The following HIVEP3 variants were observed in gnomAD, a reference collection of about 807,000 sequenced individuals.
The protein encoded by HIVEP3 is HIVEP zinc finger 3, also known as transcription factor HIVEP3.
HIVEP3 carries 49 observed loss-of-function variants against 152.8 expected under a neutral mutation model. That is an observed-to-expected ratio of 0.32 (90% CI 0.26 to 0.41). The LOEUF is 0.41. Among genes scored for constraint, HIVEP3 ranks in the 10% least tolerant of loss-of-function variants. The pLI is 1.00. For missense variants in HIVEP3, 2,790 were observed against 3,103.3 expected (o/e 0.90, Z 2.40); for synonymous variants, 1,269 against 1,289.0 (o/e 0.98, Z 0.33).
Position 41,507,471 on chromosome 1 carries a change from G to A in HIVEP3, c.*2980C>T, listed in dbSNP as rs1263911025. ...GGGGGGCAAGGACTCACCAACCAAA[G>A]GCAAGGTTTGGCTCTGAAACCTCGA... is the stretch of plus-strand genomic sequence containing the variant. On this transcript the variant is annotated 3_prime_UTR_variant, in exon 9 of 9. Transcript: ENST00000372583. The A allele has an allele frequency of 6.6e-6, 1 of 152,388 alleles. No homozygotes were observed. Among genetic ancestry groups the A allele is most frequent in the Non-Finnish European group, 1.5e-5 (1 of 68,196 alleles). The allele number at this position is 152,388 out of a possible 1,614,324, so 9.4% of individuals were successfully genotyped here. A position where few individuals can be genotyped will look rare whatever the true frequency, so the allele number is the denominator to read the frequency against.
chr1:42,024,382 T>C (rs535132944), intron 1 of HIVEP3, among the ~76,000 whole-genome samples: 1 of 152,348 alleles, frequency 6.6e-6, no homozygotes, highest in African/African-American at 2.4e-5. Flanking sequence ...TGTGGTCTTA[T>C]GTTTCCAATG....
At chr1:41,882,460 T>C (rs1328530221) in intron 1 of HIVEP3, among the ~76,000 whole-genome samples, 1 of 152,166 alleles carries the variant, frequency 6.6e-6, no homozygotes, top group Non-Finnish European at 1.5e-5. Context: ...GCTGTGGTCA[T>C]CTCTCCTCTA....
intron 3 of HIVEP3, among the ~76,000 whole-genome samples, chr1:41,587,081 GTCT>G (rs1644516763): frequency 6.6e-6 from 1 of 152,126 alleles, no homozygotes; most frequent in African/African-American, 2.4e-5. Flanking sequence ...CCATTATGGA[GTCT>G]TATAGCCAGA....
chr1:41,780,538 C>T (rs1228266354), intron 1 of HIVEP3, among the ~76,000 whole-genome samples: 1 of 152,196 alleles, frequency 6.6e-6, no homozygotes, highest in East Asian at 1.9e-4. Flanking sequence ...GGTCAGGGCC[C>T]ACCTCCTAAA....
At chr1:41,986,591 C>T (rs1217980789) in intron 1 of HIVEP3, among the ~76,000 whole-genome samples, 2 of 152,094 alleles carry the variant, frequency 1.3e-5, no homozygotes, top group African/African-American at 4.8e-5. Context: ...CAGGCGCCCG[C>T]CACCACGCCC....
chr1:41,792,750 A>G (rs1371464680), intron 1 of HIVEP3, among the ~76,000 whole-genome samples: 1 of 152,206 alleles, frequency 6.6e-6, no homozygotes. Flanking sequence ...AAACATACAC[A>G]TGACAGTTTC....
intron 1 of HIVEP3, among the ~76,000 whole-genome samples, chr1:41,966,842 T>C (rs543104240): frequency 3.3e-5 from 5 of 151,814 alleles, no homozygotes; most frequent in South Asian, 4.2e-4. Flanking sequence ...TAGAAATAGA[T>C]GGATGGAGGA....
chr1:41,513,740 G>A lies in HIVEP3; in HGVS notation c.5481C>T (p.Asp1827=), dbSNP rs372654136. The A allele has an allele frequency of 3.9e-5, 61 of 1,562,500 alleles. No homozygotes were observed. The highest frequency in any genetic ancestry group is 8.2e-5 in the African/African-American group (6 of 73,508). The change falls in exon 8 of 9, where the codon GAC becomes GAT. Residue 1827 remains aspartate, a synonymous_variant. Transcript: ENST00000372583. ...GTCCTTCCGAGTCCTGGAACAGGTC[G>A]TCACTGGTTCCTGAGGGCAAACACA... is the stretch of plus-strand genomic sequence containing the variant. The part of the protein sequence containing the change: ...EELEAEEGTS[D]DLFQDSEGRE...
chr1:41,929,724 T>TATATATATATA (rs1644986317), intron 1 of HIVEP3, among the ~76,000 whole-genome samples: 1 of 30,546 alleles, frequency 3.3e-5, no homozygotes, highest in Non-Finnish European at 1.3e-4. Context: ...GTATATGTGT[T>TATATATATATA]TTTATATATA....
At chr1:41,592,539 T>C (rs939211740) in intron 3 of HIVEP3, among the ~76,000 whole-genome samples, 2 of 152,170 alleles carry the variant, frequency 1.3e-5, no homozygotes, top group African/African-American at 2.4e-5. Context: ...AAAGTGAGCA[T>C]CCATCTAGTG....
chr1:41,596,424 A>G lies in HIVEP3; in HGVS notation c.-521-11106T>C, dbSNP rs185103012. Among the ~76,000 whole-genome samples, 9 of 152,176 alleles carry G rather than the reference A, an allele frequency of 5.9e-5. No individual in the cohort carries two copies. The East Asian group carries it at 1.2e-3, about 20-fold the overall frequency. On this transcript the variant is annotated intron_variant, in intron 3 of 8. Transcript: ENST00000372583. The stretch of plus-strand genomic sequence containing the variant: ...AAGGAAGAGGTTTTTTGCTAATCCA[A>G]TGGGTCAAACAGTGCTGTTCCCCCA...
intron 1 of HIVEP3, among the ~76,000 whole-genome samples, chr1:41,925,011 A>C (rs1454646094): frequency 6.6e-6 from 1 of 152,188 alleles, no homozygotes; most frequent in Non-Finnish European, 1.5e-5. Flanking sequence ...GCATCATAAG[A>C]TGTGACTCCA....
At chr1:41,574,348 C>T (rs1012561726) in intron 5 of HIVEP3, among the ~76,000 whole-genome samples, 7 of 152,122 alleles carry the variant, frequency 4.6e-5, no homozygotes, top group African/African-American at 1.7e-4. Context: ...TTTTCAAAGA[C>T]CTTTGGTTCA....
chr1:41,804,340 T>C (rs1186712963), intron 1 of HIVEP3, among the ~76,000 whole-genome samples: 1 of 152,172 alleles, frequency 6.6e-6, no homozygotes, highest in East Asian at 1.9e-4. Context: ...GGTTCCTGTG[T>C]GAAAGCTAAA....
intron 2 of HIVEP3, among the ~76,000 whole-genome samples, chr1:41,668,959 G>A (rs992770488): frequency 3.9e-5 from 6 of 152,182 alleles, no homozygotes; most frequent in African/African-American, 1.2e-4. Context: ...TCCCGCAGCT[G>A]GGGTGGAATA....
chr1:41,917,720 C>T (rs1047121065), intron 1 of HIVEP3, among the ~76,000 whole-genome samples: 1 of 152,184 alleles, frequency 6.6e-6, no homozygotes, highest in Non-Finnish European at 1.5e-5. Context: ...AGGGGACACT[C>T]TCTCTGCTAG....
chr1:41,813,012 C>T (rs888022804), intron 1 of HIVEP3, among the ~76,000 whole-genome samples: 5 of 152,124 alleles, frequency 3.3e-5, no homozygotes, highest in Admixed American at 1.3e-4. Context: ...GGCCCTGATC[C>T]AACCACTTCA....
intron 3 of HIVEP3, among the ~76,000 whole-genome samples, chr1:41,616,330 C>T (rs1209749550): frequency 6.6e-6 from 1 of 152,160 alleles, no homozygotes; most frequent in African/African-American, 2.4e-5. Flanking sequence ...CATCTTTGTT[C>T]CCCACCTGCA....
At chr1:41,914,738 C>T (rs745483219) in intron 1 of HIVEP3, among the ~76,000 whole-genome samples, 19 of 152,112 alleles carry the variant, frequency 1.2e-4, no homozygotes, top group African/African-American at 2.4e-4. Flanking sequence ...GAACAACATC[C>T]GGGTAGTGGT....
Sources: allele counts gnomAD v4.1 joint callset (sites outside exome capture counted in the v4.1 genomes callset), GRCh38; gene constraint gnomAD v4.1.1; transcripts MANE v1.5; gene names NCBI Gene and HGNC (gene_info 2026-07-23, HGNC 2026-07-21).